LINGO2: variants seen among roughly 807,000 people sequenced by gnomAD.
LINGO2 encodes the protein leucine rich repeat and Ig domain containing 2, also known as leucine-rich repeat and immunoglobulin-like domain-containing nogo receptor-interacting protein 2.
LINGO2 carries 14 observed loss-of-function variants against 30.6 expected under a neutral mutation model. That is an observed-to-expected ratio of 0.46 (90% CI 0.30 to 0.72). The LOEUF (loss-of-function observed/expected upper bound fraction) is 0.72, where lower values mean the gene tolerates loss of function less well. Among genes scored for constraint, LINGO2 ranks in the 30% least tolerant of loss-of-function variants. The pLI, the probability that LINGO2 is intolerant of heterozygous loss-of-function variation, is 0.07. For missense variants in LINGO2, 729 were observed against 751.7 expected, an observed-to-expected ratio of 0.97 and a Z score of 0.35; for synonymous variants, 317 against 288.5, an observed-to-expected ratio of 1.10 and a Z score of -1.00.
chr9:29,195,404 C>T, the LINGO2 span, among the ~76,000 whole-genome samples: 1 of 151,548 alleles, frequency 6.6e-6, no homozygotes, highest in African/African-American at 2.4e-5. Context: ...GTAATAAATG[C>T]CTGAGAATCC....
the LINGO2 span, among the ~76,000 whole-genome samples, chr9:29,201,286 A>T: frequency 6.6e-6 from 1 of 152,108 alleles, no homozygotes. Context: ...GCATGAACGC[A>T]TGGATATTTT....
chr9:28,485,823 A>G (rs1333169082), intron 1 of LINGO2, among the ~76,000 whole-genome samples: 1 of 152,098 alleles, frequency 6.6e-6, no homozygotes, highest in East Asian at 1.9e-4. Context: ...AACTATTAGG[A>G]GACCTAAGAA....
intron 3 of LINGO2, among the ~76,000 whole-genome samples, chr9:28,353,678 A>C (rs1270317849): frequency 1.3e-5 from 2 of 152,228 alleles, no homozygotes; most frequent in African/African-American, 2.4e-5. Context: ...ACTATAAATC[A>C]TGCTGCTATA....
intron 4 of LINGO2, among the ~76,000 whole-genome samples, chr9:28,228,959 C>T (rs76468619): frequency 0.014 from 2,101 of 151,646 alleles, 49 homozygotes; most frequent in African/African-American, 0.048. Flanking sequence ...CCTGTATTCC[C>T]ATAATTTCTA....
At chr9:28,620,895 G>C (rs1010705322) in intron 1 of LINGO2, among the ~76,000 whole-genome samples, 4 of 151,972 alleles carry the variant, frequency 2.6e-5, no homozygotes, top group African/African-American at 9.7e-5. Context: ...TAATACCTAG[G>C]TGATGAAATA....
the LINGO2 span, among the ~76,000 whole-genome samples, chr9:29,049,085 C>A: frequency 2.0e-5 from 3 of 151,960 alleles, no homozygotes; most frequent in Non-Finnish European, 4.4e-5. Flanking sequence ...GGATTAATAA[C>A]CCAGAATATA....
chr9:28,755,673 A>G, the LINGO2 span, among the ~76,000 whole-genome samples: 1 of 152,136 alleles, frequency 6.6e-6, no homozygotes, highest in Non-Finnish European at 1.5e-5. Context: ...TTGTTAAACT[A>G]CAGTCTCTCC....
chr9:28,077,532 C>T (rs560105688), intron 4 of LINGO2, among the ~76,000 whole-genome samples: 1 of 152,106 alleles, frequency 6.6e-6, no homozygotes, highest in Admixed American at 6.6e-5. Flanking sequence ...GTTCTGGGAA[C>T]CCATGTTCCT....
At chr9:29,122,421 A>G in the LINGO2 span, among the ~76,000 whole-genome samples, 3,658 of 152,174 alleles carry the variant, frequency 0.024, 63 homozygotes, top group South Asian at 0.061. Flanking sequence ...TTAGGCTCCA[A>G]TAAGACTACA....
the LINGO2 span, among the ~76,000 whole-genome samples, chr9:28,711,418 T>A: frequency 1.3e-5 from 2 of 152,112 alleles, no homozygotes; most frequent in African/African-American, 4.8e-5. Flanking sequence ...AAATAAAGTG[T>A]TTAGCCCAGA....
the LINGO2 span, among the ~76,000 whole-genome samples, chr9:29,094,845 A>C: frequency 7.2e-6 from 1 of 139,212 alleles, no homozygotes; most frequent in Admixed American, 7.4e-5. Context: ...TTCAAGGCTC[A>C]CATTATATTT....
chr9:28,688,479 G>A, the LINGO2 span, among the ~76,000 whole-genome samples: 1 of 152,064 alleles, frequency 6.6e-6, no homozygotes, highest in Non-Finnish European at 1.5e-5. Context: ...ACCTCATGCT[G>A]GCAATGTTAT....
the LINGO2 span, among the ~76,000 whole-genome samples, chr9:29,038,046 T>A: frequency 6.6e-6 from 1 of 152,024 alleles, no homozygotes; most frequent in African/African-American, 2.4e-5. Context: ...ATATTTTGAT[T>A]TTTTTCCAGA....
chr9:28,613,854 T>C (rs1433299892), intron 1 of LINGO2, among the ~76,000 whole-genome samples: 2 of 152,182 alleles, frequency 1.3e-5, no homozygotes, highest in Non-Finnish European at 2.9e-5. Context: ...CAGTGGTCCA[T>C]TGGACATGTT....
the LINGO2 span, among the ~76,000 whole-genome samples, chr9:29,120,227 C>T: frequency 1.3e-5 from 2 of 152,170 alleles, no homozygotes; most frequent in Admixed American, 1.3e-4. Context: ...CTTCAACTCT[C>T]AAACATAAAT....
At chr9:28,914,376 T>C in the LINGO2 span, among the ~76,000 whole-genome samples, 4 of 152,334 alleles carry the variant, frequency 2.6e-5, no homozygotes, top group African/African-American at 4.8e-5. Context: ...GATTTATAAC[T>C]GAGTTAGCTA....
chr9:28,658,855 G>C (rs1306929782), intron 1 of LINGO2, among the ~76,000 whole-genome samples: 1 of 151,884 alleles, frequency 6.6e-6, no homozygotes, highest in African/African-American at 2.4e-5. Flanking sequence ...TTATACTATG[G>C]TTATGAAAAA....
chr9:28,899,951 G>T, the LINGO2 span, among the ~76,000 whole-genome samples: 4 of 152,166 alleles, frequency 2.6e-5, no homozygotes, highest in Admixed American at 1.3e-4. Flanking sequence ...GGTCCCCAAT[G>T]AAACAGACTC....
the LINGO2 span, among the ~76,000 whole-genome samples, chr9:29,068,506 T>C: frequency 6.6e-6 from 1 of 151,846 alleles, no homozygotes; most frequent in African/African-American, 2.4e-5. Flanking sequence ...ATCTTGTTTA[T>C]AATAAAGCAA....
Sources: gnomAD v4.1 joint callset for allele counts (sites outside exome capture counted in the v4.1 genomes callset) on GRCh38, gnomAD v4.1.1 for gene constraint, MANE v1.5 for transcripts, NCBI Gene and HGNC (gene_info 2026-07-23, HGNC 2026-07-21) for gene names.